Variants in DSCAM observed in about 807,000 individuals in gnomAD.
DSCAM encodes the protein DS cell adhesion molecule.
DSCAM carries 47 observed loss-of-function variants against 217.7 expected under a neutral mutation model. The ratio of observed to expected loss-of-function variants is 0.22; its 90% CI spans 0.17 to 0.28. The LOEUF is 0.28. Among genes scored for constraint, DSCAM ranks in the 10% least tolerant of loss-of-function variants. The pLI, the probability that DSCAM is intolerant of heterozygous loss-of-function variation, is 1.00. For missense variants in DSCAM, 2,080 were observed against 2,618.3 expected, an observed-to-expected ratio of 0.79 and a Z score of 4.49; for synonymous variants, 1,056 against 1,015.3, an observed-to-expected ratio of 1.04 and a Z score of -0.76.
At chr21:40,629,445 A>G (rs985640823) in intron 3 of DSCAM, 1 of 152,236 alleles carries the variant, frequency 6.6e-6, no homozygotes, top group Non-Finnish European at 1.5e-5. Context: ...ATATCTATCA[A>G]CCATTGAAGC....
intron 15 of DSCAM, among the ~76,000 whole-genome samples, chr21:40,171,746 A>T (rs1193968663): frequency 6.6e-6 from 1 of 152,124 alleles, no homozygotes; most frequent in East Asian, 1.9e-4. Flanking sequence ...AAAATTTTTT[A>T]AATTATAAAA....
rs2089800324 is a variant in DSCAM, at chr21:40,637,432, AATATAAATATATATATAAATATATAC to A, written c.508+55352_508+55377del. Among the ~76,000 whole-genome samples the A allele has an allele frequency of 3.7e-3, 25 of 6,818 alleles. 2 individuals are homozygous for A. Among genetic ancestry groups the A allele is most frequent in the South Asian group, 6.8e-3 (1 of 146 alleles). 4.5% of individuals were successfully genotyped at this position (6,818 alleles called of 152,430 possible). ...ATATAAATATATATATAAATATATA[AATATAAATATATATATAAATATATAC>A]AAATATATATAAATATATATAAATA... On this transcript the variant is annotated intron_variant, in intron 3 of 32. Transcript: ENST00000400454.
intron 11 of DSCAM, among the ~76,000 whole-genome samples, chr21:40,265,940 T>C (rs1396213054): frequency 6.6e-6 from 1 of 152,152 alleles, no homozygotes; most frequent in Non-Finnish European, 1.5e-5. Flanking sequence ...CTTTTGGACA[T>C]TGGCCTGGGC....
chr21:40,133,619 A>G (rs982935780), intron 19 of DSCAM, among the ~76,000 whole-genome samples: 3 of 50,610 alleles, frequency 5.9e-5, no homozygotes, highest in African/African-American at 1.4e-4. Flanking sequence ...ACAAAAAACA[A>G]AAAAAAAGAA....
chr21:40,768,900 A>G (rs1364649479), intron 1 of DSCAM, among the ~76,000 whole-genome samples: 4 of 152,242 alleles, frequency 2.6e-5, no homozygotes, highest in African/African-American at 4.8e-5. Context: ...TTTCTTTGAA[A>G]AGGAAGGTGG....
chr21:40,528,898 C>CTTT (rs911356584), intron 3 of DSCAM, among the ~76,000 whole-genome samples: 58 of 99,372 alleles, frequency 5.8e-4, no homozygotes, highest in East Asian at 6.9e-4. Flanking sequence ...AGGCTTTCCA[C>CTTT]TTTTTTTTTT....
intron 3 of DSCAM, among the ~76,000 whole-genome samples, chr21:40,397,309 G>A (rs146191599): frequency 5.6e-5 from 7 of 125,768 alleles, no homozygotes; most frequent in Admixed American, 1.6e-4. Context: ...GAAGGGCTTC[G>A]GCCATCTCCT....
rs8127926 is a variant in DSCAM at position 40,145,784 on chromosome 21, G to T, written c.3019-1053C>A. ...CACTTGAACCCGGGAGGCGGAGGTT[G>T]CAGTGAGCTGAGATTGCCCCACTGC... On this transcript the variant is annotated intron_variant, in intron 16 of 32. Coordinates refer to ENST00000400454, the MANE Select transcript of DSCAM (RefSeq NM_001389.5). 9.6e-3 allele frequency among the ~76,000 whole-genome samples: 1,458 copies of T among 152,180 alleles called. 26 individuals carry two copies. Among genetic ancestry groups the T allele is most frequent in the African/African-American group, 0.034 (1,403 of 41,526 alleles).
rs540232380 is a variant in DSCAM at position 40,360,176 on chromosome 21, C to T, written c.656-6433G>A. On this transcript the variant is annotated intron_variant, in intron 4 of 32. Transcript: ENST00000400454. ...AGACAGAGTCTCGCTCAGTTGCCCA[C>T]GCTAGAGTGCAGTGGCGTGATCTTA... Among the ~76,000 whole-genome samples the T allele has an allele frequency of 7.1e-5, 10 of 141,614 alleles. No individual in the cohort carries two copies. The South Asian group carries it at 9.1e-4, about 13-fold the overall frequency. 92.9% of individuals were successfully genotyped at this position (141,614 alleles called of 152,430 possible). A position where few individuals can be genotyped will look rare whatever the true frequency, so the allele number is the denominator to read the frequency against.
At chr21:40,832,874 C>A (rs551800544) in intron 1 of DSCAM, among the ~76,000 whole-genome samples, 182 of 152,174 alleles carry the variant, frequency 1.2e-3, no homozygotes, top group African/African-American at 4.3e-3. Flanking sequence ...CCTATGCAGT[C>A]CCAATTTTCT....
At chr21:40,415,293 G>A (rs2075360304) in intron 3 of DSCAM, among the ~76,000 whole-genome samples, 1 of 152,212 alleles carries the variant, frequency 6.6e-6, no homozygotes, top group South Asian at 2.1e-4. Context: ...CAAAATAGCA[G>A]TGCAACATGG....
intron 3 of DSCAM, among the ~76,000 whole-genome samples, chr21:40,372,643 C>T (rs2074910208): frequency 1.3e-5 from 2 of 152,172 alleles, no homozygotes; most frequent in Admixed American, 1.3e-4. Context: ...AGTCTCTGAG[C>T]TTGTCTTTAT....
Position 40,563,720 on chromosome 21 carries a change from ATATATGTT to A in DSCAM, c.508+129082_508+129089del, listed in dbSNP as rs1211414267. 1.4e-4 allele frequency among the ~76,000 whole-genome samples: 20 copies of A among 142,024 alleles called. No homozygotes were observed. In the East Asian group the frequency reaches 3.2e-3, roughly 23 times the overall value. The allele number at this position is 142,024 out of a possible 152,430, so 93.2% of individuals were successfully genotyped here. A position where few individuals can be genotyped will look rare whatever the true frequency, so the allele number is the denominator to read the frequency against. ...TATATGTGTGTATATAGTTATGTTT[ATATATGTT>A]TATATGTTTATATATAGTTATATGT... On this transcript the variant is annotated intron_variant, in intron 3 of 32. Coordinates refer to ENST00000400454, the MANE Select transcript of DSCAM (RefSeq NM_001389.5).
At chr21:40,585,575 A>T (rs779798317) in intron 3 of DSCAM, among the ~76,000 whole-genome samples, 2 of 152,172 alleles carry the variant, frequency 1.3e-5, no homozygotes, top group East Asian at 3.9e-4. Context: ...ATGCTGAATG[A>T]AGAATTATTC....
chr21:40,093,891 A>C lies in DSCAM; in HGVS notation c.3697-17T>G, dbSNP rs572198769. The C allele has an allele frequency of 6.2e-7, 1 of 1,606,134 alleles. No individual in the cohort carries two copies. The highest frequency in any genetic ancestry group is 1.1e-5 in the South Asian group (1 of 90,864). ...GCTGATCACCTGTAAAAAGAGACATAAGTGTTCCCACATTCAAAGAAGCAT... is the reference window on the plus strand; with the variant it reads ...GCTGATCACCTGTAAAAAGAGACATCAGTGTTCCCACATTCAAAGAAGCAT... On this transcript the variant is annotated splice_polypyrimidine_tract_variant and intron_variant, in intron 20 of 32. Coordinates refer to ENST00000400454, the MANE Select transcript of DSCAM (RefSeq NM_001389.5).
At chr21:40,355,177 CAGAG>C (rs1275294369) in intron 4 of DSCAM, among the ~76,000 whole-genome samples, 1 of 152,128 alleles carries the variant, frequency 6.6e-6, no homozygotes, top group African/African-American at 2.4e-5. Flanking sequence ...GAGGGCATAA[CAGAG>C]AGTGAAGTCC....
intron 1 of DSCAM, among the ~76,000 whole-genome samples, chr21:40,756,014 G>A (rs928394725): frequency 1.2e-4 from 19 of 152,208 alleles, no homozygotes; most frequent in African/African-American, 4.6e-4. Flanking sequence ...GCATGTCACT[G>A]TATGATACGG....
At position 40,821,995 on chromosome 21, in the gene DSCAM, T is replaced by A. The variant is rs537543209; in HGVS notation, c.43+24624A>T. Among the ~76,000 whole-genome samples the A allele has an allele frequency of 2.7e-5, 4 of 150,260 alleles. No homozygotes were observed. The South Asian group carries it at 8.4e-4, about 32-fold the overall frequency. On this transcript the variant is annotated intron_variant, in intron 1 of 32. Coordinates refer to ENST00000400454, the MANE Select transcript of DSCAM (RefSeq NM_001389.5). The stretch of plus-strand genomic sequence containing the variant: ...TTTATCCATGTAACAAATCTGCGCA[T>A]GTATCCCCGAACTTAAAATAAAAGT...
chr21:40,215,509 T>C (rs1400420976), intron 11 of DSCAM, among the ~76,000 whole-genome samples: 1 of 151,948 alleles, frequency 6.6e-6, no homozygotes, highest in African/African-American at 2.4e-5. Context: ...TTATAGCAAC[T>C]TGGATGAAAC....
Sources: gnomAD v4.1 joint callset for allele counts (sites outside exome capture counted in the v4.1 genomes callset) on GRCh38, gnomAD v4.1.1 for gene constraint, MANE v1.5 for transcripts, NCBI Gene and HGNC (gene_info 2026-07-23, HGNC 2026-07-21) for gene names.